The following ECE1 variants were observed in gnomAD, a reference collection of about 807,000 sequenced individuals.
ECE1 encodes endothelin-converting enzyme 1.
Under a neutral mutation model 98.6 loss-of-function variants are expected in ECE1, and 35 were observed. The ratio of observed to expected loss-of-function variants is 0.35; its 90% CI spans 0.27 to 0.47. The LOEUF is 0.47. Ranked by LOEUF, ECE1 falls within the 20% of genes least tolerant of loss-of-function variation. The probability of loss-of-function intolerance (pLI) is 1.00; values close to 1 mark genes in which losing one functional copy is unlikely to be tolerated. For missense variants in ECE1, 814 were observed against 1,025.3 expected (o/e 0.79, Z 2.81); for synonymous variants, 394 against 407.1 (o/e 0.97, Z 0.39).
rs1067234 is a variant in ECE1, at chr1:21,327,304, G to A, written c.3+18072C>T. On this transcript the variant is annotated intron_variant, in intron 1 of 18. Transcript: ENST00000415912. This position sits in a 1 kb window ranked among gnomAD's most constrained non-coding sequence, Gnocchi z 4.6. Reference sequence around the variant, plus strand: ...TCTAACGCTTGGACTGTGTGACTCCGGTGGCTCATGCAACCTTTCTGGGCT... The same window carrying A: ...TCTAACGCTTGGACTGTGTGACTCCAGTGGCTCATGCAACCTTTCTGGGCT... 0.042 allele frequency among the ~76,000 whole-genome samples: 6,395 copies of A among 152,268 alleles called. 468 individuals carry two copies. The highest frequency in any genetic ancestry group is 0.15 in the African/African-American group (6,027 of 41,538).
intron 1 of ECE1, among the ~76,000 whole-genome samples, chr1:21,342,660 C>A (rs956467143): frequency 6.6e-6 from 1 of 151,632 alleles, no homozygotes; most frequent in Admixed American, 6.6e-5. Context: ...CCTGCAAACG[C>A]GCCGCATTAG....
chr1:21,324,618 GGGT>G (rs1284009914), intron 1 of ECE1, among the ~76,000 whole-genome samples: 9 of 152,158 alleles, frequency 5.9e-5, no homozygotes, highest in Admixed American at 2.0e-4. Context: ...AAACATTTCA[GGGT>G]TGAAAAAATG....
intron 4 of ECE1, among the ~76,000 whole-genome samples, chr1:21,265,836 T>C (rs2098233196): frequency 1.3e-5 from 2 of 152,176 alleles, no homozygotes; most frequent in South Asian, 4.1e-4. Flanking sequence ...CCCAACAGTG[T>C]GGCTCCTGGC....
At chr1:21,317,255 T>C (rs975660114) in intron 1 of ECE1, among the ~76,000 whole-genome samples, 1 of 152,178 alleles carries the variant, frequency 6.6e-6, no homozygotes. Flanking sequence ...GCGATCCTAG[T>C]CTTCTCTGTG....
At chr1:21,279,790 C>A in intron 2 of ECE1, 1 of 1,011,844 alleles carries the variant, frequency 9.9e-7, no homozygotes, top group African/African-American at 1.7e-5. Context: ...ATCCTTAGCT[C>A]ATTAAACCCT....
intron 16 of ECE1, among the ~76,000 whole-genome samples, chr1:21,226,390 G>C (rs2098174283): frequency 6.6e-6 from 1 of 152,286 alleles, no homozygotes; most frequent in East Asian, 1.9e-4. Context: ...CAAGACATGG[G>C]GGCCTGGAGA....
chr1:21,257,623 G>T, intron 6 of ECE1, 33 bp from the exon 7 acceptor site: 2 of 1,611,138 alleles, frequency 1.2e-6, no homozygotes, highest in Non-Finnish European at 8.5e-7. Flanking sequence ...GAGGGAATTC[G>T]TGTTGCAATG....
intron 2 of ECE1, among the ~76,000 whole-genome samples, chr1:21,281,854 G>A (rs1188647221): frequency 6.6e-6 from 1 of 152,136 alleles, no homozygotes; most frequent in Non-Finnish European, 1.5e-5. Flanking sequence ...GTGCTACCAC[G>A]CCCGGCTAAT....
chr1:21,244,906 G>T, intron 10 of ECE1, 83 bp downstream of exon 10: 1 of 1,330,208 alleles, frequency 7.5e-7, no homozygotes, highest in Non-Finnish European at 1.1e-6. Flanking sequence ...AGCTGGCTGA[G>T]GTCCCTTCCT....
At chr1:21,281,721 G>T (rs2098254808) in intron 2 of ECE1, among the ~76,000 whole-genome samples, 1 of 152,082 alleles carries the variant, frequency 6.6e-6, no homozygotes, top group South Asian at 2.1e-4. Flanking sequence ...GTTTGAGATG[G>T]AGTCTCCCTC....
At chr1:21,277,622 C>G (rs551866955) in intron 3 of ECE1, among the ~76,000 whole-genome samples, 10 of 152,336 alleles carry the variant, frequency 6.6e-5, no homozygotes, top group African/African-American at 2.4e-4. Flanking sequence ...ATACACTCAG[C>G]AGAGAAAGGC....
chr1:21,342,915 T>C (rs1242101891), intron 1 of ECE1, among the ~76,000 whole-genome samples: 1 of 152,204 alleles, frequency 6.6e-6, no homozygotes, highest in African/African-American at 2.4e-5. Flanking sequence ...GTGGACTTCC[T>C]CAGCCTAGTA....
chr1:21,238,456 G>A, intron 10 of ECE1: 1 of 614,506 alleles, frequency 1.6e-6, no homozygotes, highest in Non-Finnish European at 2.9e-6. Flanking sequence ...GCCAGGCTCT[G>A]TGCTGGGACT....
chr1:21,247,398 C>T (rs758098125), intron 8 of ECE1, 35 bp from the exon 9 acceptor site: 41 of 1,614,082 alleles, frequency 2.5e-5, no homozygotes, highest in Non-Finnish European at 3.5e-5. Context: ...CCCTGTGGGG[C>T]TGCTCCTCCT....
Position 21,272,915 on chromosome 1 carries a change from G to A in ECE1, c.281-4C>T, listed in dbSNP as rs748155927. ...CTCAGGCACACAGAGGGGGATCCTGGAAGGGTTAAGGACAAGAGGCCAGTG... is the reference window on the plus strand; with the variant it reads ...CTCAGGCACACAGAGGGGGATCCTGAAAGGGTTAAGGACAAGAGGCCAGTG... On this transcript the variant is annotated splice_polypyrimidine_tract_variant and splice_region_variant and intron_variant, in intron 3 of 18. Transcript: ENST00000374893. The A allele has an allele frequency of 1.2e-6, 2 of 1,614,082 alleles. No individual in the cohort carries two copies. Among genetic ancestry groups the A allele is most frequent in the East Asian group, 2.2e-5 (1 of 44,890 alleles).
Position 21,225,595 on chromosome 1 carries a change from G to C in ECE1, c.1850-155C>G, listed in dbSNP as rs968043380. Among the ~76,000 whole-genome samples, 1 of 152,170 alleles carries C rather than the reference G, an allele frequency of 6.6e-6. No homozygotes were observed. The highest frequency in any genetic ancestry group is 2.4e-5 in the African/African-American group (1 of 41,442). ...GGTCCCTGTGAGTGCCGAGGGACGTGGATGTGGTGGCCAGTCAGAGGCGGG... is the reference window on the plus strand; with the variant it reads ...GGTCCCTGTGAGTGCCGAGGGACGTCGATGTGGTGGCCAGTCAGAGGCGGG... On this transcript the variant is annotated intron_variant, in intron 16 of 18. Coordinates refer to ENST00000374893, the MANE Select transcript of ECE1 (RefSeq NM_001397.3). The surrounding 1 kb of genome is among the most constrained non-coding windows in gnomAD (Gnocchi z 5.3).
At chr1:21,221,932 G>C (rs1279647314) in intron 17 of ECE1, 90 bp from the exon 18 acceptor site, 2 of 1,158,530 alleles carry the variant, frequency 1.7e-6, no homozygotes, top group Middle Eastern at 5.1e-4. Flanking sequence ...GCTCCCCCGT[G>C]TTGGGGCAAG....
intron 10 of ECE1, 188 bp from the exon 11 acceptor site, chr1:21,238,432 G>T: frequency 1.6e-6 from 1 of 640,324 alleles, no homozygotes; most frequent in South Asian, 1.8e-5. Context: ...CCCACCCCCT[G>T]CCATTTCCTG....
chr1:21,292,372 G>A (rs1424847746), upstream of ECE1, among the ~76,000 whole-genome samples: 1 of 150,656 alleles, frequency 6.6e-6, no homozygotes, highest in East Asian at 1.9e-4. Context: ...GACCTTTGTA[G>A]CTGCTGTTGT....
Sources: gnomAD v4.1 joint callset for allele counts (sites outside exome capture counted in the v4.1 genomes callset) on GRCh38, gnomAD v4.1.1 for gene constraint, Gnocchi (gnomAD v3.1) non-coding constraint, MANE v1.5 for transcripts, NCBI Gene and HGNC (gene_info 2026-07-23, HGNC 2026-07-21) for gene names.